Variants in MARCHF8 observed in about 807,000 individuals in gnomAD.
The protein encoded by MARCHF8 is E3 ubiquitin-protein ligase MARCHF8.
Under a neutral mutation model 51.6 loss-of-function variants are expected in MARCHF8, and 40 were observed. That is an observed-to-expected ratio of 0.77 (90% CI 0.60 to 1.01). The LOEUF is 1.01. MARCHF8 is among the 50% of genes least tolerant of loss of function. The pLI, the probability that MARCHF8 is intolerant of heterozygous loss-of-function variation, is 0.00. For synonymous variants in MARCHF8, 263 were observed against 280.3 expected (o/e 0.94, Z 0.62); for missense variants, 685 against 708.6 (o/e 0.97, Z 0.38).
chr10:45,459,638 C>T, intron 6 of MARCHF8: 3 of 887,026 alleles, frequency 3.4e-6, no homozygotes, highest in Non-Finnish European at 4.1e-6. Context: ...CCCTGATGTG[C>T]TGACTGGCAT....
chr10:45,509,463 A>G (rs2043453010), intron 2 of MARCHF8, among the ~76,000 whole-genome samples: 1 of 152,246 alleles, frequency 6.6e-6, no homozygotes, highest in Non-Finnish European at 1.5e-5. Flanking sequence ...CAGAAACGTA[A>G]TAAATATTCT....
intron 2 of MARCHF8, among the ~76,000 whole-genome samples, chr10:45,492,049 A>C (rs1176270015): frequency 6.6e-6 from 1 of 152,234 alleles, no homozygotes; most frequent in Admixed American, 6.5e-5. Context: ...TTACCCTTTA[A>C]GAAATAAATT....
At chr10:45,467,449 C>A (rs1320194624) in intron 3 of MARCHF8, among the ~76,000 whole-genome samples, 1 of 152,162 alleles carries the variant, frequency 6.6e-6, no homozygotes, top group Non-Finnish European at 1.5e-5. Flanking sequence ...AGGTCAGAAC[C>A]AATCCATAGG....
chr10:45,464,224 G>A lies in MARCHF8; in HGVS notation c.242+15C>T. On this transcript the variant is annotated intron_variant, in intron 4 of 7. Transcript: ENST00000453424. ...CTGCACACTGATCATGGCAGCATCT[G>A]AAGCAGAGTGTTACCTGCAGATGTC... 6.2e-7 allele frequency: 1 copy of A among 1,611,714 alleles called. No individual in the cohort carries two copies. The highest frequency in any genetic ancestry group is 8.5e-7 in the Non-Finnish European group (1 of 1,177,780).
intron 7 of MARCHF8, 137 bp downstream of exon 7, chr10:45,458,983 G>C: frequency 1.9e-6 from 2 of 1,027,892 alleles, no homozygotes; most frequent in Non-Finnish European, 2.9e-6. Flanking sequence ...TGCCAAAAAG[G>C]AGGCTAGTGC....
Position 45,464,278 on chromosome 10 carries a change from G to A in MARCHF8, c.203C>T (p.Ser68Phe), listed in dbSNP as rs141581157. Reference sequence around the variant, plus strand: ...GCTGGATGGCGTGATAGAAGTGCGAGAGAAGGAGGACACCGGAGCCGGAGC... The same window carrying A: ...GCTGGATGGCGTGATAGAAGTGCGAAAGAAGGAGGACACCGGAGCCGGAGC... ...ASAPAPVSSFSRTSITPSSQD... is the reference protein window; with the variant it reads ...ASAPAPVSSFFRTSITPSSQD... Residue 68 changes from serine to phenylalanine, a missense_variant, in exon 4 of 8, where the codon TCT (serine) becomes TTT (phenylalanine). By Grantham distance (155) the Ser-to-Phe change is radical. Coordinates refer to ENST00000453424, the MANE Select transcript of MARCHF8 (RefSeq NM_001282866.2). 11 of 1,614,078 alleles carry A rather than the reference G, an allele frequency of 6.8e-6. No individual in the cohort carries two copies. The highest frequency in any genetic ancestry group is 9.3e-6 in the Non-Finnish European group (11 of 1,180,038).
intron 2 of MARCHF8, among the ~76,000 whole-genome samples, chr10:45,532,273 C>A (rs538695151): frequency 6.6e-6 from 1 of 152,294 alleles, no homozygotes; most frequent in East Asian, 1.9e-4. Flanking sequence ...TACAGTAAAC[C>A]TGCAGTGAGG....
At chr10:45,579,687 G>A (rs2044530958) in intron 1 of MARCHF8, among the ~76,000 whole-genome samples, 1 of 152,068 alleles carries the variant, frequency 6.6e-6, no homozygotes. Flanking sequence ...TTTTAGGAAA[G>A]CAGTTCAGCA....
At chr10:45,583,086 G>A (rs2044573355) in intron 1 of MARCHF8, among the ~76,000 whole-genome samples, 1 of 152,056 alleles carries the variant, frequency 6.6e-6, no homozygotes. Context: ...TTAAAAATAG[G>A]TATTATAACA....
intron 3 of MARCHF8, among the ~76,000 whole-genome samples, chr10:45,485,774 T>C (rs559307826): frequency 1.3e-5 from 2 of 152,308 alleles, no homozygotes; most frequent in East Asian, 1.9e-4. Context: ...GACTGGCTCA[T>C]GTGCTGACCC....
At chr10:45,496,535 T>C (rs1359813985) in intron 2 of MARCHF8, among the ~76,000 whole-genome samples, 1 of 152,060 alleles carries the variant, frequency 6.6e-6, no homozygotes, top group Non-Finnish European at 1.5e-5. Context: ...ATGAAGATAA[T>C]AAGGAGTGCT....
rs1842630726 is a variant in MARCHF8 at position 45,457,179 on chromosome 10, T to C, written c.*1060A>G. 6.6e-6 allele frequency: 1 copy of C among 152,258 alleles called. No homozygotes were observed. The highest frequency in any genetic ancestry group is 2.4e-5 in the African/African-American group (1 of 41,470). The allele number at this position is 152,258 out of a possible 1,614,324, so 9.4% of individuals were successfully genotyped here. A position where few individuals can be genotyped will look rare whatever the true frequency, so the allele number is the denominator to read the frequency against. On this transcript the variant is annotated 3_prime_UTR_variant, in exon 8 of 8. Transcript: ENST00000453424. ...GGGTGGCACATGGCTGCTCTTTCAATGTGAAGCCAACACCAACTGGAGAGA... is the reference window on the plus strand; with the variant it reads ...GGGTGGCACATGGCTGCTCTTTCAACGTGAAGCCAACACCAACTGGAGAGA...
intron 3 of MARCHF8, among the ~76,000 whole-genome samples, chr10:45,478,109 A>T (rs2042819544): frequency 6.6e-6 from 1 of 152,212 alleles, no homozygotes; most frequent in African/African-American, 2.4e-5. Flanking sequence ...TACAGAATAC[A>T]CATTTCTCAG....
intron 1 of MARCHF8, among the ~76,000 whole-genome samples, chr10:45,550,313 G>A (rs9422650): frequency 5.9e-5 from 9 of 152,162 alleles, no homozygotes; most frequent in East Asian, 3.9e-4. Flanking sequence ...AATCCATACC[G>A]CTTGAAGATC....
intron 3 of MARCHF8, 33 bp from the exon 4 acceptor site, chr10:45,464,360 T>C: frequency 6.3e-7 from 1 of 1,590,208 alleles, no homozygotes; most frequent in African/African-American, 1.3e-5. Flanking sequence ...AGTGTTCAGG[T>C]AAGAGCCAAG....
intron 7 of MARCHF8, 104 bp from the exon 8 acceptor site, chr10:45,458,647 GT>G: frequency 3.2e-6 from 4 of 1,267,860 alleles, no homozygotes; most frequent in Admixed American, 2.9e-5. Context: ...TGTTGTTGTT[GT>G]TGTTTTTTAA....
At chr10:45,561,343 C>T (rs980330180) in intron 1 of MARCHF8, among the ~76,000 whole-genome samples, 3 of 150,386 alleles carry the variant, frequency 2.0e-5, no homozygotes, top group Non-Finnish European at 4.4e-5. Flanking sequence ...GGCATGATCT[C>T]GGCTCACTGC....
chr10:45,579,270 C>A (rs1466048426), intron 1 of MARCHF8, among the ~76,000 whole-genome samples: 1 of 151,394 alleles, frequency 6.6e-6, no homozygotes, highest in East Asian at 1.9e-4. Flanking sequence ...ACTGGTGAAT[C>A]TTAGTAAATT....
At chr10:45,522,885 G>C (rs75691864) in intron 2 of MARCHF8, among the ~76,000 whole-genome samples, 1 of 152,040 alleles carries the variant, frequency 6.6e-6, no homozygotes, top group Non-Finnish European at 1.5e-5. Flanking sequence ...GTGATGGCTC[G>C]TGTCTATAAT....
Sources: gnomAD v4.1 joint callset for allele counts (sites outside exome capture counted in the v4.1 genomes callset) on GRCh38, gnomAD v4.1.1 for gene constraint, MANE v1.5 for transcripts, NCBI Gene and HGNC (gene_info 2026-07-23, HGNC 2026-07-21) for gene names.